DPP4: variants seen among roughly 807,000 people sequenced by gnomAD.
DPP4 encodes the protein ADCP-2.
In DPP4, 93 loss-of-function variants were observed where a neutral mutation model predicts 122.4. That is an observed-to-expected ratio of 0.76 (90% CI 0.64 to 0.90). DPP4 has a LOEUF of 0.90. Among genes scored for constraint, DPP4 ranks in the 40% least tolerant of loss-of-function variants. DPP4 has a pLI of 0.00. For synonymous variants in DPP4, 321 were observed against 302.9 expected (o/e 1.06, Z -0.62); for missense variants, 914 against 907.3 (o/e 1.01, Z -0.09).
rs183125841 is a variant in DPP4, at chr2:162,024,943, G to A, written c.888-4C>T. 240 of 1,612,372 alleles carry A rather than the reference G, an allele frequency of 1.5e-4. No homozygotes were observed. The African/African-American group carries it at 2.8e-3, about 19-fold the overall frequency. On this transcript the variant is annotated splice_region_variant and splice_polypyrimidine_tract_variant and intron_variant, in intron 10 of 25. Coordinates refer to ENST00000360534, the MANE Select transcript of DPP4 (RefSeq NM_001935.4). ...CACATCACACAAGTAGTGATCCCTGGAAGGAAGAAAGAAAGGAAGGACAGA... is the reference window on the plus strand; with the variant it reads ...CACATCACACAAGTAGTGATCCCTGAAAGGAAGAAAGAAAGGAAGGACAGA...
At chr2:162,048,042 C>T (rs1192030880) in intron 2 of DPP4, among the ~76,000 whole-genome samples, 1 of 152,044 alleles carries the variant, frequency 6.6e-6, no homozygotes. Context: ...AGGTGTTCAA[C>T]GACTACTGTA....
At chr2:162,050,549 C>T (rs1326279235) in intron 2 of DPP4, among the ~76,000 whole-genome samples, 2 of 152,212 alleles carry the variant, frequency 1.3e-5, no homozygotes, top group Non-Finnish European at 2.9e-5. Flanking sequence ...AAGGCCCAGG[C>T]TTACCCTGGT....
At chr2:162,043,705 C>A (rs1684071089) in intron 5 of DPP4, among the ~76,000 whole-genome samples, 1 of 152,118 alleles carries the variant, frequency 6.6e-6, no homozygotes, top group Non-Finnish European at 1.5e-5. Flanking sequence ...GCCCTGGTTG[C>A]CATTACAATC....
chr2:162,067,643 T>C (rs747605300), intron 2 of DPP4, among the ~76,000 whole-genome samples: 2 of 151,608 alleles, frequency 1.3e-5, no homozygotes, highest in Non-Finnish European at 2.9e-5. Context: ...TGAAGAACAA[T>C]ATAAAACAAT....
chr2:162,047,461 T>TTTA lies in DPP4; in HGVS notation c.134_135insTAA (p.Leu45_Thr46insLys). 6.3e-7 allele frequency: 1 copy of TTTA among 1,586,644 alleles called. No individual in the cohort carries two copies. Among genetic ancestry groups the TTTA allele is most frequent in the East Asian group, 2.2e-5 (1 of 44,450 alleles). ...TATAAGTATTTTTTAAGTAATCAGT[T>TTTA]AGAGTGTAAGTTTTGCGACTGTCAG... On this transcript the variant is annotated inframe_insertion, in exon 3 of 26. Transcript: ENST00000360534.
intron 23 of DPP4, among the ~76,000 whole-genome samples, chr2:161,996,832 AT>A (rs1439606464): frequency 6.6e-6 from 1 of 152,222 alleles, no homozygotes; most frequent in Non-Finnish European, 1.5e-5. Flanking sequence ...ACCATAATGT[AT>A]AAAAGGCCTC....
At chr2:162,016,284 T>C (rs1437634748) in intron 18 of DPP4, among the ~76,000 whole-genome samples, 1 of 152,176 alleles carries the variant, frequency 6.6e-6, no homozygotes, top group Non-Finnish European at 1.5e-5. Context: ...AATCCATGAT[T>C]ACACAATCAA....
At chr2:162,022,921 A>G (rs1455990862) in intron 11 of DPP4, 122 bp from the exon 12 acceptor site, 7 of 969,910 alleles carry the variant, frequency 7.2e-6, no homozygotes, top group Non-Finnish European at 1.1e-5. Context: ...CTCCATTCAT[A>G]TATTTCTATT....
chr2:162,005,786 T>A lies in DPP4; in HGVS notation c.2011A>T (p.Met671Leu). Reference sequence around the variant, plus strand: ...TTGTCTTCTGGAGTTGGGAGACCCATGTAACGTTCTGTGTACACTGAGTCT... The same window carrying A: ...TTGTCTTCTGGAGTTGGGAGACCCAAGTAACGTTCTGTGTACACTGAGTCT... ...YYDSVYTERY[M>L]GLPTPEDNLD... The change falls in exon 23 of 26, where the codon ATG becomes TTG. Residue 671 changes from methionine to leucine, a missense_variant. Transcript: ENST00000360534. 1 of 1,613,066 alleles carries A rather than the reference T, an allele frequency of 6.2e-7. No individual in the cohort carries two copies. The highest frequency in any genetic ancestry group is 8.5e-7 in the Non-Finnish European group (1 of 1,179,524).
chr2:162,016,855 G>A lies in DPP4; in HGVS notation c.1480C>T (p.Leu494=). 1 of 1,611,654 alleles carries A rather than the reference G, an allele frequency of 6.2e-7. No individual in the cohort carries two copies. The highest frequency in any genetic ancestry group is 8.5e-7 in the Non-Finnish European group (1 of 1,179,394). Residue 494 remains leucine (L), a synonymous_variant, in exon 18 of 26, where the codon CTG becomes TTG. Transcript: ENST00000360534. ...TTATCCAAAGCTGAATTGTCTTCCA[G>A]GACTCTCAGCCCTAAAGAAATACAG... ...SSVNDKGLRV[L]EDNSALDKML... is the part of the protein sequence containing the mutation.
chr2:162,018,596 T>C (rs1683003260), intron 16 of DPP4, 133 bp downstream of exon 16: 1 of 1,165,422 alleles, frequency 8.6e-7, no homozygotes, highest in Non-Finnish European at 1.2e-6. Flanking sequence ...TTATGCTCAC[T>C]ACTTAAATGT....
chr2:162,017,000 C>T, intron 17 of DPP4, 108 bp downstream of exon 17: 4 of 1,430,946 alleles, frequency 2.8e-6, no homozygotes, highest in Non-Finnish European at 3.9e-6. Context: ...GTGTTCAACT[C>T]ATTGTCAAGA....
intron 4 of DPP4, among the ~76,000 whole-genome samples, chr2:162,046,352 A>G (rs1368261846): frequency 6.6e-6 from 1 of 152,184 alleles, no homozygotes; most frequent in Non-Finnish European, 1.5e-5. Flanking sequence ...ACAGGAGTCA[A>G]TGATGATTCT....
At chr2:162,046,085 G>C (rs1172904666) in intron 4 of DPP4, among the ~76,000 whole-genome samples, 1 of 152,160 alleles carries the variant, frequency 6.6e-6, no homozygotes, top group East Asian at 1.9e-4. Context: ...ATGTGGAAGT[G>C]ATAGAATCAT....
Position 162,018,863 on chromosome 2 carries a change from C to T in DPP4, c.1299-13G>A, listed in dbSNP as rs201124740. The T allele has an allele frequency of 1.3e-4, 209 of 1,612,438 alleles. No homozygotes were observed. Among genetic ancestry groups the T allele is most frequent in the Middle Eastern group, 1.6e-4 (1 of 6,076 alleles). On this transcript the variant is annotated splice_polypyrimidine_tract_variant and intron_variant, in intron 15 of 25. Coordinates refer to ENST00000360534, the MANE Select transcript of DPP4 (RefSeq NM_001935.4). ...ACTAAGTTGGATTCTGTAAAACCAA[C>T]GGTGGAAATTAAGTGCTTGAAGAAA...
At chr2:162,009,885 A>G (rs1682620620) in intron 20 of DPP4, among the ~76,000 whole-genome samples, 2 of 152,176 alleles carry the variant, frequency 1.3e-5, no homozygotes, top group African/African-American at 4.8e-5. Flanking sequence ...CTTTGCCACA[A>G]AACTGTGTTC....
intron 18 of DPP4, among the ~76,000 whole-genome samples, chr2:162,016,109 T>C: frequency 6.6e-6 from 1 of 152,200 alleles, no homozygotes; most frequent in East Asian, 1.9e-4. Flanking sequence ...TTTTCTATTA[T>C]CCTAAATTTT....
intron 5 of DPP4, among the ~76,000 whole-genome samples, chr2:162,043,051 A>C (rs185228395): frequency 2.6e-5 from 4 of 152,320 alleles, no homozygotes; most frequent in African/African-American, 4.8e-5. Context: ...GATGGGAATG[A>C]GGGTGATGCT....
At chr2:162,048,224 A>C (rs960376627) in intron 2 of DPP4, among the ~76,000 whole-genome samples, 1 of 152,016 alleles carries the variant, frequency 6.6e-6, no homozygotes, top group Non-Finnish European at 1.5e-5. Flanking sequence ...ATATTCTACC[A>C]CTGGTGACCC....
Sources: allele counts gnomAD v4.1 joint callset (sites outside exome capture counted in the v4.1 genomes callset), GRCh38; gene constraint gnomAD v4.1.1; transcripts MANE v1.5; gene names NCBI Gene and HGNC (gene_info 2026-07-23, HGNC 2026-07-21).